SV2C: variants seen among roughly 807,000 people sequenced by gnomAD.
SV2C encodes synaptic vesicle glycoprotein 2C, also known as solute carrier family 22 member B3.
Under a neutral mutation model 79.7 loss-of-function variants are expected in SV2C, and 49 were observed. The ratio of observed to expected loss-of-function variants is 0.61; its 90% CI spans 0.49 to 0.78. SV2C has a LOEUF of 0.78. SV2C is among the 30% of genes least tolerant of loss of function. The pLI, the probability that SV2C is intolerant of heterozygous loss-of-function variation, is 0.00. For synonymous variants in SV2C, 334 were observed against 333.2 expected (o/e 1.00, Z -0.03); for missense variants, 833 against 912.9 (o/e 0.91, Z 1.13).
chr5:76,243,296 A>G (rs1745850938), intron 4 of SV2C, among the ~76,000 whole-genome samples: 1 of 152,210 alleles, frequency 6.6e-6, no homozygotes, highest in Non-Finnish European at 1.5e-5. Flanking sequence ...CAAGTAAAGG[A>G]TTCCACAAGA....
chr5:76,113,083 C>T (rs17650787), intron 1 of SV2C, among the ~76,000 whole-genome samples: 16,399 of 152,160 alleles, frequency 0.11, 1,027 homozygotes, highest in Middle Eastern at 0.19. Flanking sequence ...CCTCTCAGTA[C>T]GTGTTTGTGT....
chr5:76,302,159 G>C (rs1748029018), intron 12 of SV2C, among the ~76,000 whole-genome samples: 1 of 152,144 alleles, frequency 6.6e-6, no homozygotes, highest in Admixed American at 6.5e-5. Context: ...GAGTTTAATA[G>C]CCTATCTTAG....
chr5:76,197,217 A>G (rs769405517), intron 3 of SV2C, among the ~76,000 whole-genome samples: 1 of 152,216 alleles, frequency 6.6e-6, no homozygotes, highest in Non-Finnish European at 1.5e-5. Flanking sequence ...TAGAGAAGAT[A>G]ATGTAGGATA....
intron 12 of SV2C, among the ~76,000 whole-genome samples, chr5:76,311,820 G>A (rs1748452188): frequency 6.6e-6 from 1 of 152,138 alleles, no homozygotes; most frequent in African/African-American, 2.4e-5. Context: ...TCCGTCCCCA[G>A]TCCCTGCCAC....
chr5:76,328,689 A>G lies in SV2C; in HGVS notation c.*3142A>G, dbSNP rs17651829. 0.2 allele frequency: 30,489 copies of G among 152,174 alleles called. 3,697 individuals carry two copies. Among genetic ancestry groups the G allele is most frequent in the Non-Finnish European group, 0.27 (18,497 of 67,998 alleles). 9.4% of individuals were successfully genotyped at this position (152,174 alleles called of 1,614,324 possible). On this transcript the variant is annotated 3_prime_UTR_variant, in exon 13 of 13. Transcript: ENST00000502798. ...GTGCACAAAATAAAGGATTGGGACT[A>G]GTCTGCTCTCCACTCTCCAGCATTG...
At chr5:75,901,472 G>T in the SV2C span, among the ~76,000 whole-genome samples, 76 of 152,288 alleles carry the variant, frequency 5.0e-4, no homozygotes, top group East Asian at 0.011. Flanking sequence ...GTACCCGGCC[G>T]TGTGAGGTGT....
the SV2C span, among the ~76,000 whole-genome samples, chr5:75,917,694 G>C: frequency 5.3e-5 from 8 of 152,126 alleles, no homozygotes; most frequent in Non-Finnish European, 1.2e-4. Context: ...ACTGGGGGAG[G>C]TGGGAATTGT....
chr5:76,083,756 G>A lies in SV2C; in HGVS notation c.-102+244G>A, dbSNP rs940650872. ...GATGCAGTGACCCCAGGGTTCGCTA[G>A]GGTAGGTCTGGGGACTGGGTCGCAC... is the stretch of plus-strand genomic sequence containing the variant. On this transcript the variant is annotated intron_variant, in intron 1 of 12. Coordinates refer to ENST00000502798, the MANE Select transcript of SV2C (RefSeq NM_014979.4). 4.6e-5 allele frequency among the ~76,000 whole-genome samples: 7 copies of A among 152,224 alleles called. No individual in the cohort carries two copies. The East Asian group carries it at 1.3e-3, about 29-fold the overall frequency.
intron 2 of SV2C, among the ~76,000 whole-genome samples, chr5:76,180,411 C>T (rs571638726): frequency 1.3e-5 from 2 of 152,328 alleles, no homozygotes; most frequent in South Asian, 2.1e-4. Context: ...TCCAAAATAG[C>T]CCACTCTTCC....
intron 2 of SV2C, among the ~76,000 whole-genome samples, chr5:76,172,025 G>C (rs1743297038): frequency 8.6e-6 from 1 of 115,854 alleles, no homozygotes; most frequent in Non-Finnish European, 1.9e-5. Flanking sequence ...GCCCCGTCTG[G>C]GAGGTGAGGG....
At chr5:76,000,102 T>C in the SV2C span, among the ~76,000 whole-genome samples, 7,468 of 152,220 alleles carry the variant, frequency 0.049, 205 homozygotes, top group Middle Eastern at 0.095. Context: ...GAAGGCCATC[T>C]ATTTTACTGA....
At chr5:76,023,184 T>C in the SV2C span, among the ~76,000 whole-genome samples, 1 of 152,196 alleles carries the variant, frequency 6.6e-6, no homozygotes, top group Admixed American at 6.6e-5. Context: ...TGATATTAAT[T>C]TTTGTTCAGC....
the SV2C span, among the ~76,000 whole-genome samples, chr5:75,964,022 A>G: frequency 6.6e-6 from 1 of 152,166 alleles, no homozygotes; most frequent in Non-Finnish European, 1.5e-5. Flanking sequence ...CTTTAGGGAT[A>G]TAACAGAATT....
chr5:76,189,830 A>G (rs749924713), intron 2 of SV2C, among the ~76,000 whole-genome samples: 17 of 151,604 alleles, frequency 1.1e-4, no homozygotes, highest in Non-Finnish European at 2.4e-4. Flanking sequence ...TTTTTTTTGT[A>G]TTGCTCACAT....
the SV2C span, among the ~76,000 whole-genome samples, chr5:75,897,637 G>A: frequency 6.6e-6 from 1 of 152,418 alleles, no homozygotes; most frequent in East Asian, 1.9e-4. Flanking sequence ...AGATGACATT[G>A]AATCTATAAA....
the SV2C span, among the ~76,000 whole-genome samples, chr5:75,924,407 T>TA: frequency 1.3e-5 from 2 of 152,014 alleles, no homozygotes; most frequent in Non-Finnish European, 2.9e-5. Flanking sequence ...ACTATTGAAA[T>TA]AAAAAAATAT....
the SV2C span, among the ~76,000 whole-genome samples, chr5:75,881,597 T>C: frequency 6.6e-6 from 1 of 152,042 alleles, no homozygotes; most frequent in South Asian, 2.1e-4. Flanking sequence ...GGCTCTCTGT[T>C]TGTCTGTTGT....
intron 4 of SV2C, among the ~76,000 whole-genome samples, chr5:76,252,640 G>A (rs1175555052): frequency 2.0e-5 from 3 of 152,206 alleles, no homozygotes; most frequent in Admixed American, 6.5e-5. Flanking sequence ...AAATAGGCAA[G>A]TAATAAATCC....
chr5:75,892,227 A>G, the SV2C span, among the ~76,000 whole-genome samples: 4 of 151,936 alleles, frequency 2.6e-5, no homozygotes, highest in African/African-American at 9.7e-5. Flanking sequence ...TTCATGTCAC[A>G]TTAGTCACTA....
Sources: gnomAD v4.1 joint callset for allele counts (sites outside exome capture counted in the v4.1 genomes callset) on GRCh38, gnomAD v4.1.1 for gene constraint, MANE v1.5 for transcripts, NCBI Gene and HGNC (gene_info 2026-07-23, HGNC 2026-07-21) for gene names.